NPTXR: variants seen among roughly 807,000 people sequenced by gnomAD.
The protein encoded by NPTXR is neuronal pentraxin receptor.
In NPTXR, 12 loss-of-function variants were observed where a neutral mutation model predicts 32.2. That is an observed-to-expected ratio of 0.37 (90% CI 0.24 to 0.60). NPTXR has a LOEUF of 0.60. NPTXR is among the 20% of genes least tolerant of loss of function. The probability of loss-of-function intolerance (pLI) is 0.66; values close to 1 mark genes in which losing one functional copy is unlikely to be tolerated. For missense variants in NPTXR, 612 were observed against 682.9 expected (o/e 0.90, Z 1.16); for synonymous variants, 323 against 315.8 (o/e 1.02, Z -0.24).
chr22:38,839,094 G>A (rs886854878), intron 1 of NPTXR, among the ~76,000 whole-genome samples: 6 of 152,180 alleles, frequency 3.9e-5, no homozygotes, highest in Admixed American at 6.5e-5. Context: ...TGTGCCTGCC[G>A]CATAGTAAGT....
chr22:38,833,599 C>T (rs374912529), intron 1 of NPTXR, among the ~76,000 whole-genome samples: 8 of 151,468 alleles, frequency 5.3e-5, no homozygotes, highest in African/African-American at 9.7e-5. Flanking sequence ...GCGCTTAGTG[C>T]GCGGTAGGCA....
At position 38,843,267 on chromosome 22, in the gene NPTXR, G is replaced by T. The variant is rs1347371160; in HGVS notation, c.592C>A (p.Arg198Ser). ...CGGTCGATGCGGTCCCGCAGGGCGCGCACGGCGTCCTCCAGCTCCAGAATG... is the reference window on the plus strand; with the variant it reads ...CGGTCGATGCGGTCCCGCAGGGCGCTCACGGCGTCCTCCAGCTCCAGAATG... The change falls in exon 1 of 5, where the codon CGC becomes AGC. Residue 198 changes from arginine (R) to serine (S), a missense_variant. By Grantham distance (110) the Arg-to-Ser change is moderately radical. Transcript: ENST00000333039. The surrounding 1 kb of genome is among the most constrained non-coding windows in gnomAD (Gnocchi z 5.3). The T allele has an allele frequency of 2.1e-6, 3 of 1,426,328 alleles. No homozygotes were observed. The highest frequency in any genetic ancestry group is 1.5e-5 in the African/African-American group (1 of 66,820). The allele number at this position is 1,426,328 out of a possible 1,614,324, so 88.4% of individuals were successfully genotyped here. A position where few individuals can be genotyped will look rare whatever the true frequency, so the allele number is the denominator to read the frequency against.
At chr22:38,836,122 A>G (rs1239798542) in intron 1 of NPTXR, among the ~76,000 whole-genome samples, 1 of 152,198 alleles carries the variant, frequency 6.6e-6, no homozygotes, top group Non-Finnish European at 1.5e-5. Flanking sequence ...CGAAACGGGA[A>G]TGTTTTTAAA....
At position 38,834,647 on chromosome 22, in the gene NPTXR, G is replaced by T. The variant is rs1475452853; in HGVS notation, c.625-6135C>A. 7.0e-6 allele frequency among the ~76,000 whole-genome samples: 1 copy of T among 142,114 alleles called. No individual in the cohort carries two copies. Among genetic ancestry groups the T allele is most frequent in the Non-Finnish European group, 1.5e-5 (1 of 64,674 alleles). 93.2% of individuals were successfully genotyped at this position (142,114 alleles called of 152,430 possible). Reference sequence around the variant, plus strand: ...ATCCATCCATCCATCCATGTGTGCCGCAGCAACATGGCGTCGTAGTTGCAG... The same window carrying T: ...ATCCATCCATCCATCCATGTGTGCCTCAGCAACATGGCGTCGTAGTTGCAG... On this transcript the variant is annotated intron_variant, in intron 1 of 4. Transcript: ENST00000333039. The surrounding 1 kb of genome is among the most constrained non-coding windows in gnomAD (Gnocchi z 4.4).
At chr22:38,823,833 G>A (rs1163136849) in intron 3 of NPTXR, among the ~76,000 whole-genome samples, 1 of 152,200 alleles carries the variant, frequency 6.6e-6, no homozygotes, top group East Asian at 1.9e-4. Flanking sequence ...AATCAATCAC[G>A]AGCCTCGATT....
rs879890081 is a variant in NPTXR at position 38,834,234 on chromosome 22, C to T, written c.625-5722G>A. Among the ~76,000 whole-genome samples the T allele has an allele frequency of 6.6e-6, 1 of 152,096 alleles. No individual in the cohort carries two copies. Among genetic ancestry groups the T allele is most frequent in the Non-Finnish European group, 1.5e-5 (1 of 68,026 alleles). On this transcript the variant is annotated intron_variant, in intron 1 of 4. Transcript: ENST00000333039. This position sits in a 1 kb window ranked among gnomAD's most constrained non-coding sequence, Gnocchi z 4.4. ...TCCACTCCCACCCTCCACACAGCGG[C>T]CAGAGGCAAATCCAGCCATGTTGCT...
intron 3 of NPTXR, among the ~76,000 whole-genome samples, chr22:38,825,765 G>C (rs1268279177): frequency 6.6e-6 from 1 of 151,994 alleles, no homozygotes; most frequent in Non-Finnish European, 1.5e-5. Flanking sequence ...GAAGTAGAAG[G>C]AACGAGGAGG....
rs532067520 is a variant in NPTXR, at chr22:38,834,754, A to T, written c.625-6242T>A. Among the ~76,000 whole-genome samples, 2 of 152,042 alleles carry T rather than the reference A, an allele frequency of 1.3e-5. No individual in the cohort carries two copies. The highest frequency in any genetic ancestry group is 6.5e-5 in the Admixed American group (1 of 15,268). The stretch of plus-strand genomic sequence containing the variant: ...TCTGCGACCTTGGGCAAGCTGCTTA[A>T]CTCCTCTGGCCCTCAGTTACCTTAT... On this transcript the variant is annotated intron_variant, in intron 1 of 4. Coordinates refer to ENST00000333039, the MANE Select transcript of NPTXR (RefSeq NM_014293.4). The surrounding 1 kb of genome is among the most constrained non-coding windows in gnomAD (Gnocchi z 4.4).
At chr22:38,839,827 A>G (rs5757308) in intron 1 of NPTXR, among the ~76,000 whole-genome samples, 57,481 of 151,982 alleles carry the variant, frequency 0.38, 11,121 homozygotes, top group East Asian at 0.66. Flanking sequence ...CATCTCCAGT[A>G]ACAGGAGCCA....
At chr22:38,831,050 C>T (rs898072262) in intron 1 of NPTXR, among the ~76,000 whole-genome samples, 1 of 152,270 alleles carries the variant, frequency 6.6e-6, no homozygotes, top group Non-Finnish European at 1.5e-5. Context: ...AGGGCTCCTT[C>T]TGTCAAGGTG....
chr22:38,833,456 C>T (rs958726575), intron 1 of NPTXR, among the ~76,000 whole-genome samples: 2 of 152,210 alleles, frequency 1.3e-5, no homozygotes, highest in Non-Finnish European at 2.9e-5. Flanking sequence ...CTAGGGCTCA[C>T]ACCTGGGCTT....
At position 38,834,572 on chromosome 22, in the gene NPTXR, A is replaced by G. The variant is rs1199868290; in HGVS notation, c.625-6060T>C. On this transcript the variant is annotated intron_variant, in intron 1 of 4. Transcript: ENST00000333039. This position sits in a 1 kb window ranked among gnomAD's most constrained non-coding sequence, Gnocchi z 4.4. ...GAGAGCTTCTCTGGCAGGGCTGCAGAGCACTCATCCATCCATCCATCCATC... is the reference window on the plus strand; with the variant it reads ...GAGAGCTTCTCTGGCAGGGCTGCAGGGCACTCATCCATCCATCCATCCATC... Among the ~76,000 whole-genome samples the G allele has an allele frequency of 6.8e-6, 1 of 147,834 alleles. No homozygotes were observed. The highest frequency in any genetic ancestry group is 1.5e-5 in the Non-Finnish European group (1 of 67,220).
At chr22:38,836,561 T>A (rs924258699) in intron 1 of NPTXR, among the ~76,000 whole-genome samples, 1 of 152,176 alleles carries the variant, frequency 6.6e-6, no homozygotes, top group African/African-American at 2.4e-5. Flanking sequence ...CAAAACTGAC[T>A]ACGGTGACAG....
chr22:38,840,514 G>A (rs1169035643), intron 1 of NPTXR, among the ~76,000 whole-genome samples: 2 of 152,080 alleles, frequency 1.3e-5, no homozygotes, highest in Non-Finnish European at 2.9e-5. Context: ...GGAGGCTGCT[G>A]CAAGCGTGTA....
At chr22:38,826,221 AC>A (rs1339989838) in intron 3 of NPTXR, among the ~76,000 whole-genome samples, 2 of 152,196 alleles carry the variant, frequency 1.3e-5, no homozygotes, top group Non-Finnish European at 2.9e-5. Flanking sequence ...TAGCTGGGTC[AC>A]TGGGGAAGTC....
At chr22:38,830,729 C>T (rs528579615) in intron 1 of NPTXR, among the ~76,000 whole-genome samples, 3 of 152,304 alleles carry the variant, frequency 2.0e-5, no homozygotes, top group African/African-American at 7.2e-5. Flanking sequence ...CAACCCCCCT[C>T]TTCTGCTGGC....
In NPTXR at chr22:38,823,089, C is replaced by G; in HGVS notation, c.1272G>C (p.Gln424His). ...ATATCAGCCTGAGCCTTACCTGCTC[C>G]TGGCCCAAGATAAGGATCCCATGAG... is the stretch of plus-strand genomic sequence containing the variant. The change falls in exon 4 of 5, where the codon CAG becomes CAC. Residue 424 changes from glutamine to histidine, a missense_variant. Physicochemically the swap from Gln to His is conservative, Grantham distance 24. Coordinates refer to ENST00000333039, the MANE Select transcript of NPTXR (RefSeq NM_014293.4). 6.2e-7 allele frequency: 1 copy of G among 1,614,200 alleles called. No individual in the cohort carries two copies. Among genetic ancestry groups the G allele is most frequent in the Non-Finnish European group, 8.5e-7 (1 of 1,180,024 alleles).
intron 1 of NPTXR, among the ~76,000 whole-genome samples, chr22:38,842,811 C>T (rs1010095539): frequency 2.6e-5 from 4 of 152,150 alleles, no homozygotes; most frequent in Admixed American, 6.5e-5. Flanking sequence ...ATCTCCTGGC[C>T]ATAAAGTGTG....
chr22:38,822,712 G>C lies in NPTXR; in HGVS notation c.1400C>G (p.Pro467Arg). 1 of 1,614,160 alleles carries C rather than the reference G, an allele frequency of 6.2e-7. No individual in the cohort carries two copies. The highest frequency in any genetic ancestry group is 8.5e-7 in the Non-Finnish European group (1 of 1,180,002). ...CCAGGGAAGGACGTTGCCCAGCAGT[G>C]GCGCAGTGCAGTTGGCAATGCCCAG... Residue 467 changes from proline (P) to arginine (R), a missense_variant, in exon 5 of 5, where the codon CCA becomes CGA. Pro to Arg is a moderately radical substitution (Grantham distance 103, BLOSUM62 -2). Transcript: ENST00000333039.
Sources: allele counts gnomAD v4.1 joint callset (sites outside exome capture counted in the v4.1 genomes callset), GRCh38; gene constraint gnomAD v4.1.1; non-coding constraint Gnocchi (gnomAD v3.1); transcripts MANE v1.5; gene names NCBI Gene and HGNC (gene_info 2026-07-23, HGNC 2026-07-21).